Variants in GRIA4 observed in about 807,000 individuals in gnomAD.
GRIA4 encodes glutamate ionotropic receptor AMPA type subunit 4.
In GRIA4, 34 loss-of-function variants were observed where a neutral mutation model predicts 104.0. The ratio of observed to expected loss-of-function variants is 0.33; its 90% CI spans 0.25 to 0.44. The LOEUF is 0.44. Among genes scored for constraint, GRIA4 ranks in the 20% least tolerant of loss-of-function variants. GRIA4 has a pLI of 1.00. For synonymous variants in GRIA4, 386 were observed against 381.9 expected (o/e 1.01, Z -0.13); for missense variants, 750 against 1,096.5 (o/e 0.68, Z 4.46).
intron 3 of GRIA4, among the ~76,000 whole-genome samples, chr11:105,742,561 T>C (rs12796947): frequency 0.018 from 2,782 of 151,360 alleles, 29 homozygotes; most frequent in Non-Finnish European, 0.031. Context: ...CACACACACA[T>C]ATACATGTGT....
chr11:105,921,349 G>GTGTT (rs1555048796), intron 11 of GRIA4, among the ~76,000 whole-genome samples: 1 of 146,842 alleles, frequency 6.8e-6, no homozygotes, highest in African/African-American at 2.5e-5. Context: ...GTGTGTGTGT[G>GTGTT]TTTTAGTCCA....
chr11:105,877,519 T>C (rs1256318811), intron 5 of GRIA4, among the ~76,000 whole-genome samples: 1 of 152,216 alleles, frequency 6.6e-6, no homozygotes, highest in South Asian at 2.1e-4. Flanking sequence ...ACTTGCTTCC[T>C]TTCTCCTCGT....
chr11:105,969,290 A>G (rs2136279816), intron 14 of GRIA4, among the ~76,000 whole-genome samples: 1 of 152,302 alleles, frequency 6.6e-6, no homozygotes, highest in Middle Eastern at 3.4e-3. Flanking sequence ...AAAAAATGGA[A>G]AGGAAAAAAA....
chr11:105,859,515 A>G (rs1945139785), intron 4 of GRIA4, among the ~76,000 whole-genome samples: 1 of 152,202 alleles, frequency 6.6e-6, no homozygotes, highest in Admixed American at 6.5e-5. Context: ...AAGTGGGCAT[A>G]TCTATAAATT....
chr11:105,960,308 G>C (rs1456482204), intron 14 of GRIA4, among the ~76,000 whole-genome samples: 2 of 152,230 alleles, frequency 1.3e-5, no homozygotes, highest in Non-Finnish European at 2.9e-5. Context: ...TGAGCCTCTG[G>C]CTGGAGTTAC....
At chr11:105,855,096 C>T (rs1336054706) in intron 4 of GRIA4, among the ~76,000 whole-genome samples, 2 of 152,154 alleles carry the variant, frequency 1.3e-5, no homozygotes, top group Admixed American at 1.3e-4. Flanking sequence ...AAGCTCCTGC[C>T]TCTGTGCCTT....
intron 6 of GRIA4, among the ~76,000 whole-genome samples, chr11:105,888,421 C>T (rs1052543367): frequency 8.0e-5 from 12 of 150,068 alleles, no homozygotes; most frequent in Non-Finnish European, 1.2e-4. Flanking sequence ...GTAGCTGGGA[C>T]TACAGGTGCC....
At chr11:105,814,962 T>C (rs754909267) in intron 4 of GRIA4, among the ~76,000 whole-genome samples, 2 of 152,084 alleles carry the variant, frequency 1.3e-5, no homozygotes, top group Non-Finnish European at 2.9e-5. Context: ...TGGTTCAGAG[T>C]AGGGCATGTG....
At chr11:105,698,736 A>G (rs1953377881) in intron 3 of GRIA4, among the ~76,000 whole-genome samples, 1 of 152,188 alleles carries the variant, frequency 6.6e-6, no homozygotes, top group South Asian at 2.1e-4. Context: ...AGCACATCAT[A>G]TTGTTATCTG....
chr11:105,738,799 C>T (rs189660757), intron 3 of GRIA4, among the ~76,000 whole-genome samples: 7 of 151,986 alleles, frequency 4.6e-5, no homozygotes, highest in Admixed American at 1.3e-4. Flanking sequence ...ATGAATCAAA[C>T]GTTTCCATTA....
chr11:105,961,060 T>C (rs780214600), intron 14 of GRIA4, among the ~76,000 whole-genome samples: 14 of 152,198 alleles, frequency 9.2e-5, no homozygotes, highest in Non-Finnish European at 1.6e-4. Flanking sequence ...TCAGCCATCT[T>C]GGCCCCGCCC....
chr11:105,972,280 T>C (rs770014193), intron 15 of GRIA4, among the ~76,000 whole-genome samples: 1 of 152,230 alleles, frequency 6.6e-6, no homozygotes, highest in Non-Finnish European at 1.5e-5. Flanking sequence ...CCTTTTACAT[T>C]ATTCTCAAAC....
rs547039679 is a variant in GRIA4, at chr11:105,977,928, A to G, written c.2545-1647A>G. 7.9e-5 allele frequency among the ~76,000 whole-genome samples: 12 copies of G among 152,164 alleles called. No homozygotes were observed. In the South Asian group the frequency reaches 2.5e-3, roughly 32 times the overall value. On this transcript the variant is annotated intron_variant, in intron 16 of 16. Transcript: ENST00000282499. ...GGTTCTTGATTAAGGGATTCTTTCA[A>G]ATGCTCAAATGGAATTGAATTGTTT...
intron 3 of GRIA4, among the ~76,000 whole-genome samples, chr11:105,691,065 G>T (rs1323547036): frequency 6.6e-6 from 1 of 152,056 alleles, no homozygotes; most frequent in Non-Finnish European, 1.5e-5. Flanking sequence ...GAGACAGGGG[G>T]TGTGTGTGTG....
intron 3 of GRIA4, among the ~76,000 whole-genome samples, chr11:105,650,861 T>C (rs923320477): frequency 5.9e-5 from 9 of 152,104 alleles, no homozygotes; most frequent in African/African-American, 2.2e-4. Flanking sequence ...TCACTAAAAT[T>C]AGACAACACG....
intron 3 of GRIA4, among the ~76,000 whole-genome samples, chr11:105,626,254 A>G (rs1232075740): frequency 1.3e-5 from 2 of 152,000 alleles, no homozygotes; most frequent in Non-Finnish European, 1.5e-5. Flanking sequence ...TGGATAAAGG[A>G]GAGCACACAT....
intron 13 of GRIA4, among the ~76,000 whole-genome samples, chr11:105,929,844 G>T (rs1947822588): frequency 6.6e-6 from 1 of 152,018 alleles, no homozygotes; most frequent in African/African-American, 2.4e-5. Context: ...AAAAGTAAAA[G>T]GATAGCACAT....
chr11:105,788,683 G>T (rs1048517957), intron 4 of GRIA4, among the ~76,000 whole-genome samples: 2 of 152,136 alleles, frequency 1.3e-5, no homozygotes, highest in Non-Finnish European at 2.9e-5. Flanking sequence ...ATAAGTGGGA[G>T]CTAAACAATG....
At chr11:105,819,553 A>C (rs950644406) in intron 4 of GRIA4, among the ~76,000 whole-genome samples, 1 of 152,242 alleles carries the variant, frequency 6.6e-6, no homozygotes, top group African/African-American at 2.4e-5. Flanking sequence ...AAGAATACTT[A>C]TATTTCATAT....
Sources: gnomAD v4.1 joint callset for allele counts (sites outside exome capture counted in the v4.1 genomes callset) on GRCh38, gnomAD v4.1.1 for gene constraint, MANE v1.5 for transcripts, NCBI Gene and HGNC (gene_info 2026-07-23, HGNC 2026-07-21) for gene names.